OR51B5: variants seen among roughly 807,000 people sequenced by gnomAD.
OR51B5 encodes the protein olfactory receptor family 51 subfamily B member 5.
For missense variants in OR51B5, 456 were observed against 374.6 expected (o/e 1.22, Z -1.79); for synonymous variants, 186 against 144.8 (o/e 1.28, Z -2.04).
At chr11:5,347,468 A>C (rs10768831), upstream of OR51B5, among the ~76,000 whole-genome samples, 8 of 151,910 alleles carry the variant, frequency 5.3e-5, no homozygotes, top group African/African-American at 1.9e-4. Context: ...TCTCTTTTCC[A>C]GGGGATGCAG....
At chr11:5,414,244 T>C (rs1309530997) in intron 1 of OR51B5, among the ~76,000 whole-genome samples, 1 of 151,582 alleles carries the variant, frequency 6.6e-6, no homozygotes, top group Non-Finnish European at 1.5e-5. Flanking sequence ...AGAGATTTTG[T>C]CACCACCAGG....
intron 1 of OR51B5, among the ~76,000 whole-genome samples, chr11:5,424,288 A>G (rs1375169046): frequency 1.3e-5 from 2 of 152,218 alleles, no homozygotes; most frequent in Non-Finnish European, 2.9e-5. Flanking sequence ...TCGTAGACAC[A>G]TAGAAGGGTG....
At chr11:5,344,056 C>T (rs1455190420), upstream of OR51B5, among the ~76,000 whole-genome samples, 2 of 152,180 alleles carry the variant, frequency 1.3e-5, no homozygotes, top group African/African-American at 2.4e-5. Context: ...AGAAACTCTG[C>T]CACTACCACT....
At chr11:5,400,670 G>A (rs1849954288) in intron 1 of OR51B5, among the ~76,000 whole-genome samples, 1 of 152,130 alleles carries the variant, frequency 6.6e-6, no homozygotes, top group Non-Finnish European at 1.5e-5. Context: ...CTTCAGCATA[G>A]GTGACGACTG....
At chr11:5,433,497 T>C (rs1344113888) in intron 1 of OR51B5, among the ~76,000 whole-genome samples, 1 of 152,188 alleles carries the variant, frequency 6.6e-6, no homozygotes, top group African/African-American at 2.4e-5. Flanking sequence ...TATCCTCTGG[T>C]TACCCAGTGT....
chr11:5,452,504 CAAAAAAAAAAAAAAAAAAAAAAA>C (rs56677841), intron 1 of OR51B5, among the ~76,000 whole-genome samples: 8 of 69,214 alleles, frequency 1.2e-4, no homozygotes, highest in South Asian at 6.7e-4. Context: ...GACTCTGTCT[CAAAAAAAAAAAAAAAAAAAAAAA>C]AAAAAAAAAA....
chr11:5,352,329 G>A (rs1348982080), intron 1 of OR51B5: 1 of 1,613,784 alleles, frequency 6.2e-7, no homozygotes, highest in African/African-American at 1.3e-5. Context: ...ACATCACAAT[G>A]AGCTACATCC....
At chr11:5,370,249 T>G (rs1849428219) in intron 1 of OR51B5, among the ~76,000 whole-genome samples, 1 of 152,214 alleles carries the variant, frequency 6.6e-6, no homozygotes, top group African/African-American at 2.4e-5. Flanking sequence ...GTTGAAGGTT[T>G]GAATGTTTAA....
intron 1 of OR51B5, among the ~76,000 whole-genome samples, chr11:5,495,324 G>A (rs1184451398): frequency 2.0e-5 from 3 of 152,160 alleles, no homozygotes; most frequent in Non-Finnish European, 4.4e-5. Flanking sequence ...GAATAATGGT[G>A]TAATGGTAAT....
chr11:5,399,603 G>A (rs966760969), intron 1 of OR51B5, among the ~76,000 whole-genome samples: 1 of 151,928 alleles, frequency 6.6e-6, no homozygotes, highest in African/African-American at 2.4e-5. Context: ...CTATTATACT[G>A]GGCTATAGAC....
intron 1 of OR51B5, among the ~76,000 whole-genome samples, chr11:5,387,264 G>A (rs10768902): frequency 0.78 from 118,760 of 151,998 alleles, 46,800 homozygotes; most frequent in Middle Eastern, 0.84. Context: ...CATGGCCAGA[G>A]CACACAACTA....
intron 1 of OR51B5, among the ~76,000 whole-genome samples, chr11:5,368,516 C>G (rs760176767): frequency 6.6e-6 from 1 of 151,978 alleles, no homozygotes; most frequent in Non-Finnish European, 1.5e-5. Context: ...ACAATTTGAC[C>G]TTTGGGCTGA....
rs142147615 is a variant in OR51B5 at position 5,402,542 on chromosome 11, C to T, written n.85-55632G>A. 613 of 418,754 alleles carry T rather than the reference C, an allele frequency of 1.5e-3. 2 individuals carry two copies. Among genetic ancestry groups the T allele is most frequent in the African/African-American group, 0.011 (557 of 48,566 alleles). The allele number at this position is 418,754 out of a possible 1,614,324, so 25.9% of individuals were successfully genotyped here. A position where few individuals can be genotyped will look rare whatever the true frequency, so the allele number is the denominator to read the frequency against. On this transcript the variant is annotated intron_variant and non_coding_transcript_variant, in intron 1 of 4. Transcript: ENST00000415970. ...CTTTCTTCATAATGATGTCATCTCA[C>T]TAGTTTGTTTCTAATTTTCAAGGTG...
chr11:5,358,241 G>A (rs182467303), intron 1 of OR51B5, among the ~76,000 whole-genome samples: 16,836 of 152,038 alleles, frequency 0.11, 1,055 homozygotes, highest in South Asian at 0.15. Flanking sequence ...TTGATAGACT[G>A]CTAGCAAGAC....
intron 1 of OR51B5, among the ~76,000 whole-genome samples, chr11:5,448,887 C>A (rs1850806555): frequency 6.6e-6 from 1 of 152,202 alleles, no homozygotes; most frequent in African/African-American, 2.4e-5. Flanking sequence ...ATTTTATTAT[C>A]TGAATGTGAC....
At chr11:5,455,988 A>G (rs1221065652) in intron 1 of OR51B5, 2 of 152,210 alleles carry the variant, frequency 1.3e-5, no homozygotes, top group Non-Finnish European at 2.9e-5. Flanking sequence ...CAATTTAAAT[A>G]ATAACTTTTC....
At chr11:5,418,175 T>G (rs28883008) in intron 1 of OR51B5, among the ~76,000 whole-genome samples, 2,130 of 151,948 alleles carry the variant, frequency 0.014, 44 homozygotes, top group African/African-American at 0.049. Context: ...AAACACCGCA[T>G]ATTCTCACTC....
At chr11:5,385,364 C>G (rs1849671479) in intron 1 of OR51B5, 1 of 152,198 alleles carries the variant, frequency 6.6e-6, no homozygotes, top group African/African-American at 2.4e-5. Context: ...CATCTTGTTT[C>G]TACCAGATCC....
At chr11:5,359,475 T>C (rs1849247469) in intron 1 of OR51B5, among the ~76,000 whole-genome samples, 1 of 125,304 alleles carries the variant, frequency 8.0e-6, no homozygotes, top group Admixed American at 7.9e-5. Context: ...TACAAACCAC[T>C]GCTGAATGAA....
Sources: allele counts gnomAD v4.1 joint callset (sites outside exome capture counted in the v4.1 genomes callset), GRCh38; gene constraint gnomAD v4.1.1; transcripts MANE v1.5; gene names NCBI Gene and HGNC (gene_info 2026-07-23, HGNC 2026-07-21).